The following FSTL4 variants were observed in gnomAD, a reference collection of about 807,000 sequenced individuals.
FSTL4 encodes follistatin-related protein 4.
Under a neutral mutation model 78.2 loss-of-function variants are expected in FSTL4, and 28 were observed. The ratio of observed to expected loss-of-function variants is 0.36; its 90% CI spans 0.27 to 0.49. The LOEUF (loss-of-function observed/expected upper bound fraction) is 0.49. Ranked by LOEUF, FSTL4 falls within the 20% of genes least tolerant of loss-of-function variation. FSTL4 has a pLI of 0.98. For missense variants in FSTL4, 922 were observed against 1,084.9 expected, an observed-to-expected ratio of 0.85 and a Z score of 2.11; for synonymous variants, 422 against 440.5, an observed-to-expected ratio of 0.96 and a Z score of 0.53.
chr5:133,238,806 A>G (rs1423664896), intron 7 of FSTL4, among the ~76,000 whole-genome samples: 2 of 152,260 alleles, frequency 1.3e-5, no homozygotes, highest in South Asian at 2.1e-4. Context: ...CTAGTCCCTC[A>G]TAGTGAGAGA....
At chr5:133,376,019 G>A (rs1309859426) in intron 4 of FSTL4, among the ~76,000 whole-genome samples, 1 of 152,170 alleles carries the variant, frequency 6.6e-6, no homozygotes, top group African/African-American at 2.4e-5. Flanking sequence ...GACTCAATGC[G>A]ATACAAATCA....
chr5:133,567,101 A>G (rs1760042140), intron 3 of FSTL4, 85 bp downstream of exon 3: 4 of 942,934 alleles, frequency 4.2e-6, no homozygotes, highest in South Asian at 1.3e-5. Context: ...AGCTGCCCAC[A>G]GTCTGAAGTT....
chr5:133,657,133 G>A, the FSTL4 span, among the ~76,000 whole-genome samples: 2 of 152,274 alleles, frequency 1.3e-5, no homozygotes, highest in South Asian at 2.1e-4. Flanking sequence ...AAATACAGGA[G>A]TCTGGGGTTC....
intron 6 of FSTL4, among the ~76,000 whole-genome samples, chr5:133,274,793 G>C (rs1247972599): frequency 6.6e-6 from 1 of 152,214 alleles, no homozygotes; most frequent in Non-Finnish European, 1.5e-5. Context: ...ACTGTCATCA[G>C]AGGAAAACAT....
the FSTL4 span, among the ~76,000 whole-genome samples, chr5:133,696,508 C>T: frequency 6.6e-6 from 1 of 152,244 alleles, no homozygotes; most frequent in African/African-American, 2.4e-5. Flanking sequence ...CTGGGCTCTC[C>T]TCTGGCATGT....
chr5:133,466,982 G>C (rs1757723547), intron 3 of FSTL4, among the ~76,000 whole-genome samples: 1 of 151,958 alleles, frequency 6.6e-6, no homozygotes, highest in Admixed American at 6.6e-5. Flanking sequence ...GTGTATGAGT[G>C]TGAATGTATA....
At chr5:133,468,814 C>CG (rs1757762240) in intron 3 of FSTL4, among the ~76,000 whole-genome samples, 1 of 152,066 alleles carries the variant, frequency 6.6e-6, no homozygotes, top group Non-Finnish European at 1.5e-5. Context: ...CAGCTCAGTG[C>CG]GGGAAACAGA....
At chr5:133,311,186 G>A (rs1324161626) in intron 6 of FSTL4, among the ~76,000 whole-genome samples, 2 of 152,146 alleles carry the variant, frequency 1.3e-5, no homozygotes, top group African/African-American at 2.4e-5. Flanking sequence ...ACCAGGTGTG[G>A]GGAGTTGTGG....
chr5:133,494,999 C>G (rs1409420664), intron 3 of FSTL4, among the ~76,000 whole-genome samples: 2 of 152,200 alleles, frequency 1.3e-5, no homozygotes, highest in Admixed American at 1.3e-4. Context: ...CATTCTGAGG[C>G]AGAAAAGCAA....
chr5:133,811,242 T>C, the FSTL4 span, among the ~76,000 whole-genome samples: 1 of 152,140 alleles, frequency 6.6e-6, no homozygotes, highest in Non-Finnish European at 1.5e-5. Context: ...CTCTTCATAA[T>C]CCCTTTCCTC....
At chr5:133,239,213 C>T (rs576035476) in intron 7 of FSTL4, among the ~76,000 whole-genome samples, 1 of 151,978 alleles carries the variant, frequency 6.6e-6, no homozygotes. Context: ...GCCCGCCATG[C>T]CTGAGCCTCC....
chr5:133,611,851 C>A lies in FSTL4; in HGVS notation c.-11+474G>T, dbSNP rs1307273709. On this transcript the variant is annotated intron_variant, in intron 1 of 15. Transcript: ENST00000265342. The surrounding 1 kb of genome is among the most constrained non-coding windows in gnomAD (Gnocchi z 4.9). ...GGAGGTGCTGAGAATGCCTGCCCGG[C>A]GCCCCAACCCGGAGCCAAGGGCACC... is the stretch of plus-strand genomic sequence containing the variant. Among the ~76,000 whole-genome samples, 1 of 152,134 alleles carries A rather than the reference C, an allele frequency of 6.6e-6. No individual in the cohort carries two copies. Among genetic ancestry groups the A allele is most frequent in the Non-Finnish European group, 1.5e-5 (1 of 67,988 alleles).
intron 3 of FSTL4, among the ~76,000 whole-genome samples, chr5:133,448,231 T>C (rs191169172): frequency 6.3e-4 from 96 of 152,364 alleles, no homozygotes; most frequent in African/African-American, 2.3e-3. Context: ...GAATGGTTTC[T>C]GTTCACTCTG....
chr5:133,783,884 C>G, the FSTL4 span, among the ~76,000 whole-genome samples: 1 of 151,696 alleles, frequency 6.6e-6, no homozygotes, highest in Non-Finnish European at 1.5e-5. Context: ...CGCCCACCCC[C>G]CAAACATAAG....
intron 6 of FSTL4, among the ~76,000 whole-genome samples, chr5:133,293,454 CTTTGGCAGAGAATGCT>C (rs1753315915): frequency 6.6e-6 from 1 of 152,212 alleles, no homozygotes; most frequent in Non-Finnish European, 1.5e-5. Context: ...GCCTGCATGT[CTTTGGCAGAGAATGCT>C]CTGTGTTCAC....
intron 3 of FSTL4, among the ~76,000 whole-genome samples, chr5:133,445,873 A>G (rs1757252988): frequency 6.6e-6 from 1 of 152,230 alleles, no homozygotes; most frequent in Non-Finnish European, 1.5e-5. Context: ...AACAACTTCC[A>G]TGAAAGGTTA....
Position 133,225,607 on chromosome 5 carries a change from C to G in FSTL4, c.1177+51G>C. 1 of 1,463,912 alleles carries G rather than the reference C, an allele frequency of 6.8e-7. No individual in the cohort carries two copies. The highest frequency in any genetic ancestry group is 9.3e-7 in the Non-Finnish European group (1 of 1,080,664). 90.7% of individuals were successfully genotyped at this position (1,463,912 alleles called of 1,614,324 possible). ...CTCGTTTCCATTCCTGGAGTCTCAG[C>G]TTGATTTGAATGGGAATATCGCATA... On this transcript the variant is annotated intron_variant, in intron 9 of 15. Coordinates refer to ENST00000265342, the MANE Select transcript of FSTL4 (RefSeq NM_015082.2). This position sits in a 1 kb window ranked among gnomAD's most constrained non-coding sequence, Gnocchi z 4.6.
At chr5:133,505,313 T>C (rs923527570) in intron 3 of FSTL4, among the ~76,000 whole-genome samples, 2 of 152,356 alleles carry the variant, frequency 1.3e-5, no homozygotes, top group East Asian at 1.9e-4. Flanking sequence ...GAACAGGCAT[T>C]GTGTCTGAGG....
chr5:133,375,312 A>ATATATATATATATATATATATATATATG (rs1554109201), intron 4 of FSTL4, among the ~76,000 whole-genome samples: 1 of 134,664 alleles, frequency 7.4e-6, no homozygotes, highest in African/African-American at 2.6e-5. Context: ...ATATATATAT[A>ATATATATATATATATATATATATATATG]AAAGACTCTA....
Sources: allele counts gnomAD v4.1 joint callset (sites outside exome capture counted in the v4.1 genomes callset), GRCh38; gene constraint gnomAD v4.1.1; non-coding constraint Gnocchi (gnomAD v3.1); transcripts MANE v1.5; gene names NCBI Gene and HGNC (gene_info 2026-07-23, HGNC 2026-07-21).